The following GTF2B variants were observed in gnomAD, a reference collection of about 807,000 sequenced individuals.
GTF2B encodes transcription initiation factor IIB.
GTF2B carries 20 observed loss-of-function variants against 34.6 expected under a neutral mutation model. The ratio of observed to expected loss-of-function variants is 0.58; its 90% CI spans 0.41 to 0.84. GTF2B has a LOEUF of 0.84. Ranked by LOEUF, GTF2B falls within the 40% of genes least tolerant of loss-of-function variation. The pLI is 0.00. For missense variants in GTF2B, 237 were observed against 393.3 expected, an observed-to-expected ratio of 0.60 and a Z score of 3.36; for synonymous variants, 142 against 132.4, an observed-to-expected ratio of 1.07 and a Z score of -0.50.
At chr1:88,856,291 C>CAAAAAAAAAAAAAAAAAA (rs1162915523) in intron 6 of GTF2B, among the ~76,000 whole-genome samples, 19 of 86,170 alleles carry the variant, frequency 2.2e-4, no homozygotes, top group East Asian at 1.1e-3. Context: ...AAAAAAAAAA[C>CAAAAAAAAAAAAAAAAAA]AAAAAAAAAA....
intron 1 of GTF2B, among the ~76,000 whole-genome samples, chr1:88,888,799 CA>C (rs1251622606): frequency 2.0e-5 from 3 of 152,142 alleles, no homozygotes; most frequent in Non-Finnish European, 4.4e-5. Flanking sequence ...ATCTAGACAG[CA>C]GAATACATAT....
At chr1:88,873,270 A>G (rs1673742206) in intron 2 of GTF2B, among the ~76,000 whole-genome samples, 1 of 149,112 alleles carries the variant, frequency 6.7e-6, no homozygotes, top group African/African-American at 2.5e-5. Flanking sequence ...ACTCACTGCA[A>G]CCTCCACCTC....
At chr1:88,882,336 A>C (rs888077996) in intron 2 of GTF2B, among the ~76,000 whole-genome samples, 1 of 148,896 alleles carries the variant, frequency 6.7e-6, no homozygotes, top group East Asian at 1.9e-4. Context: ...AAAAAAAAAA[A>C]ACGCTACAGA....
intron 2 of GTF2B, 58 bp downstream of exon 2, chr1:88,887,203 G>T: frequency 9.1e-7 from 1 of 1,102,962 alleles, no homozygotes; most frequent in Non-Finnish European, 1.4e-6. Context: ...ACAGGCGTGA[G>T]CCACCATGCT....
intron 1 of GTF2B, among the ~76,000 whole-genome samples, chr1:88,890,553 T>C (rs1261483745): frequency 2.0e-5 from 3 of 152,208 alleles, no homozygotes; most frequent in Non-Finnish European, 4.4e-5. Flanking sequence ...CAGGATTAGT[T>C]AACCAAAGGC....
At position 88,882,211 on chromosome 1, in the gene GTF2B, G is replaced by A. The variant is rs375644827; in HGVS notation, c.124+5050C>T. Among the ~76,000 whole-genome samples, 19 of 145,678 alleles carry A rather than the reference G, an allele frequency of 1.3e-4. No individual in the cohort carries two copies. The East Asian group carries it at 3.3e-3, about 26-fold the overall frequency. On this transcript the variant is annotated intron_variant, in intron 2 of 6. Coordinates refer to ENST00000370500, the MANE Select transcript of GTF2B (RefSeq NM_001514.6). ...TGTAATCCCAGGTACTCAGTAGGCT[G>A]AAGTACAAGAATCGCTTGAACCCCG...
intron 3 of GTF2B, among the ~76,000 whole-genome samples, chr1:88,862,805 G>A (rs1475322250): frequency 1.3e-5 from 2 of 151,954 alleles, no homozygotes; most frequent in Non-Finnish European, 2.9e-5. Flanking sequence ...ATCATGCCCA[G>A]CTACTTTTTG....
At chr1:88,865,718 G>A (rs1386332983) in intron 2 of GTF2B, among the ~76,000 whole-genome samples, 1 of 152,132 alleles carries the variant, frequency 6.6e-6, no homozygotes, top group Non-Finnish European at 1.5e-5. Context: ...GGGCGTGGTG[G>A]CACATGCCTG....
chr1:88,875,037 G>T (rs180776001), intron 2 of GTF2B, among the ~76,000 whole-genome samples: 1 of 152,002 alleles, frequency 6.6e-6, no homozygotes, highest in African/African-American at 2.4e-5. Flanking sequence ...ACTTTCTGTG[G>T]TCATATAATC....
intron 2 of GTF2B, among the ~76,000 whole-genome samples, chr1:88,882,587 A>G (rs895567375): frequency 8.5e-5 from 13 of 152,214 alleles, no homozygotes; most frequent in Non-Finnish European, 1.8e-4. Context: ...GGAAAATAAA[A>G]TTCTCTTTTG....
intron 2 of GTF2B, among the ~76,000 whole-genome samples, chr1:88,878,872 C>T (rs116108590): frequency 3.9e-5 from 6 of 152,170 alleles, no homozygotes; most frequent in Admixed American, 3.9e-4. Context: ...ATGACAGATC[C>T]ATGTGCGGAG....
At chr1:88,882,671 CAAT>C (rs1673976994) in intron 2 of GTF2B, among the ~76,000 whole-genome samples, 1 of 152,154 alleles carries the variant, frequency 6.6e-6, no homozygotes, top group Non-Finnish European at 1.5e-5. Flanking sequence ...GTTCATGTGT[CAAT>C]GATGTTGTGT....
intron 3 of GTF2B, among the ~76,000 whole-genome samples, chr1:88,863,377 T>C (rs535711065): frequency 8.5e-4 from 130 of 152,138 alleles, no homozygotes; most frequent in African/African-American, 3.0e-3. Context: ...AGAGTCTCAC[T>C]CTGTTGCCCA....
At chr1:88,857,014 T>C (rs1310434053) in intron 6 of GTF2B, among the ~76,000 whole-genome samples, 192 bp downstream of exon 6, 1 of 152,206 alleles carries the variant, frequency 6.6e-6, no homozygotes, top group East Asian at 1.9e-4. Context: ...TTGATCAGGC[T>C]GGTCTCGAAC....
intron 1 of GTF2B, among the ~76,000 whole-genome samples, chr1:88,891,253 A>T (rs998144661): frequency 6.6e-6 from 1 of 152,142 alleles, no homozygotes; most frequent in Non-Finnish European, 1.5e-5. Context: ...ACATAGGGTG[A>T]TATCTACATA....
intron 1 of GTF2B, among the ~76,000 whole-genome samples, chr1:88,891,020 G>A (rs775753282): frequency 1.3e-5 from 2 of 149,414 alleles, no homozygotes; most frequent in African/African-American, 2.5e-5. Flanking sequence ...CTTCCTAGCT[G>A]TCAGATCGAT....
Position 88,864,041 on chromosome 1 carries a change from T to A in GTF2B, c.198A>T (p.Arg66=), listed in dbSNP as rs1673497036. The A allele has an allele frequency of 1.2e-6, 2 of 1,613,376 alleles. No homozygotes were observed. The highest frequency in any genetic ancestry group is 2.7e-5 in the African/African-American group (2 of 75,036). ...SNDKATKDPS[R]VGDSQNPLLS... is the part of the protein sequence containing the mutation. ...GAAGAGGATTCTGAGAATCTCCAAC[T>A]CGAGATGGATCTTTTGTTGCTTTGT... The change falls in exon 3 of 7, where the codon CGA becomes CGT. Residue 66 remains arginine (R), a synonymous_variant. Transcript: ENST00000370500.
At chr1:88,868,450 T>C (rs1557656232) in intron 2 of GTF2B, among the ~76,000 whole-genome samples, 1 of 152,244 alleles carries the variant, frequency 6.6e-6, no homozygotes, top group Non-Finnish European at 1.5e-5. Flanking sequence ...TTAACACTTT[T>C]AATCAAGTTC....
At chr1:88,870,700 A>G (rs1355309871) in intron 2 of GTF2B, among the ~76,000 whole-genome samples, 1 of 152,188 alleles carries the variant, frequency 6.6e-6, no homozygotes, top group Non-Finnish European at 1.5e-5. Flanking sequence ...ACTTTCATTT[A>G]TATTTTATAT....
Sources: allele counts gnomAD v4.1 joint callset (sites outside exome capture counted in the v4.1 genomes callset), GRCh38; gene constraint gnomAD v4.1.1; transcripts MANE v1.5; gene names NCBI Gene and HGNC (gene_info 2026-07-23, HGNC 2026-07-21).